Variants in SLC44A5 observed in about 807,000 individuals in gnomAD.
SLC44A5 encodes the protein solute carrier family 44 member 5, also known as choline transporter-like protein 5.
Under a neutral mutation model 101.8 loss-of-function variants are expected in SLC44A5, and 57 were observed. The observed-to-expected ratio is 0.56, with a 90% CI of 0.45 to 0.70. The LOEUF (loss-of-function observed/expected upper bound fraction) is 0.70, where lower values mean the gene tolerates loss of function less well. Ranked by LOEUF, SLC44A5 falls within the 30% of genes least tolerant of loss-of-function variation. The probability of loss-of-function intolerance (pLI) is 0.00; values close to 1 mark genes in which losing one functional copy is unlikely to be tolerated. For synonymous variants in SLC44A5, 281 were observed against 290.9 expected (o/e 0.97, Z 0.35); for missense variants, 737 against 853.1 (o/e 0.86, Z 1.70).
intron 18 of SLC44A5, 78 bp downstream of exon 18, chr1:75,217,788 A>C: frequency 1.1e-6 from 1 of 913,776 alleles, no homozygotes; most frequent in Non-Finnish European, 1.8e-6. Flanking sequence ...CCCTAGTCCA[A>C]GTTATAATCA....
rs1276711642 is a variant in SLC44A5, at chr1:75,557,602, GT to G, written c.-69-16087del. Reference sequence around the variant, plus strand: ...CTGGGTATAAACAGGAGGCAAGGTAGTTTTTAAAACAGAAAACAAAAATTAT... The same window carrying G: ...CTGGGTATAAACAGGAGGCAAGGTAGTTTTAAAACAGAAAACAAAAATTAT... On this transcript the variant is annotated intron_variant, in intron 1 of 23. Transcript: ENST00000370859. 2.0e-5 allele frequency among the ~76,000 whole-genome samples: 3 copies of G among 152,050 alleles called. No individual in the cohort carries two copies. In the East Asian group the frequency reaches 5.8e-4, roughly 29 times the overall value.
chr1:75,279,348 G>A (rs1013733747), intron 5 of SLC44A5, among the ~76,000 whole-genome samples: 3 of 151,988 alleles, frequency 2.0e-5, no homozygotes, highest in Non-Finnish European at 2.9e-5. Flanking sequence ...TGGGACATGG[G>A]AAAGTCAAGC....
At chr1:75,398,807 C>T (rs1662293270) in intron 2 of SLC44A5, among the ~76,000 whole-genome samples, 1 of 152,122 alleles carries the variant, frequency 6.6e-6, no homozygotes, top group African/African-American at 2.4e-5. Context: ...TTTAGGAGAA[C>T]ATTCGTATCT....
chr1:75,669,218 T>C, the SLC44A5 span, among the ~76,000 whole-genome samples: 1 of 148,126 alleles, frequency 6.8e-6, no homozygotes, highest in Non-Finnish European at 1.5e-5. Flanking sequence ...GCCAATCAAA[T>C]GATGCTTCCT....
At chr1:75,283,767 T>A (rs1320350185) in intron 5 of SLC44A5, among the ~76,000 whole-genome samples, 2 of 66,252 alleles carry the variant, frequency 3.0e-5, no homozygotes, top group East Asian at 0.024. Context: ...CTTTCCCTAC[T>A]TTTTTTTTTG....
intron 5 of SLC44A5, among the ~76,000 whole-genome samples, chr1:75,299,753 G>C (rs1654272600): frequency 6.6e-6 from 1 of 151,916 alleles, no homozygotes; most frequent in Non-Finnish European, 1.5e-5. Flanking sequence ...GCTCATGCCT[G>C]TAATCCCAGC....
chr1:75,677,535 T>C, the SLC44A5 span, among the ~76,000 whole-genome samples: 2 of 151,780 alleles, frequency 1.3e-5, no homozygotes, highest in Middle Eastern at 3.2e-3. Flanking sequence ...TAAAAACACC[T>C]TCACTAAAAG....
At chr1:75,578,727 A>G (rs760970739) in intron 1 of SLC44A5, among the ~76,000 whole-genome samples, 7 of 152,162 alleles carry the variant, frequency 4.6e-5, no homozygotes, top group Non-Finnish European at 8.8e-5. Flanking sequence ...ACAACATAGT[A>G]AAACATAGTT....
intron 2 of SLC44A5, among the ~76,000 whole-genome samples, chr1:75,473,795 T>G (rs764474580): frequency 3.3e-5 from 5 of 152,188 alleles, no homozygotes; most frequent in Non-Finnish European, 5.9e-5. Context: ...AAGAAAATAA[T>G]TTTTTCCTCT....
intron 4 of SLC44A5, among the ~76,000 whole-genome samples, chr1:75,311,179 C>T (rs1033157814): frequency 1.9e-4 from 29 of 151,640 alleles, no homozygotes; most frequent in African/African-American, 6.5e-4. Flanking sequence ...TGCATTGGCA[C>T]GATCTCGGCT....
rs199507635 is a variant in SLC44A5, at chr1:75,509,655, GAACT to G, written c.13+31776_13+31779del. On this transcript the variant is annotated intron_variant, in intron 2 of 23. Transcript: ENST00000370859. ...AAAGCACCATGGTTCATAAATTTAA[GAACT>G]AACACAAGGAAGTAAATGGAATTTT... is the stretch of plus-strand genomic sequence containing the variant. Among the ~76,000 whole-genome samples the G allele has an allele frequency of 4.9e-4, 75 of 152,220 alleles. No homozygotes were observed. The East Asian group carries it at 5.2e-3, about 11-fold the overall frequency.
At position 75,261,978 on chromosome 1, in the gene SLC44A5, T is replaced by C. The variant is rs571610352; in HGVS notation, c.261-10684A>G. On this transcript the variant is annotated intron_variant, in intron 6 of 23. Coordinates refer to ENST00000370859, the MANE Select transcript of SLC44A5 (RefSeq NM_001130058.2). ...CTAAAAATTCTCTTTAAACTAGGTA[T>C]TGATGGAACGTATCTCAAAATAAGA... Among the ~76,000 whole-genome samples the C allele has an allele frequency of 1.2e-4, 18 of 151,974 alleles. No individual in the cohort carries two copies. In the South Asian group the frequency reaches 3.3e-3, roughly 28 times the overall value.
chr1:75,691,962 G>A, the SLC44A5 span, among the ~76,000 whole-genome samples: 1 of 152,018 alleles, frequency 6.6e-6, no homozygotes, highest in Non-Finnish European at 1.5e-5. Flanking sequence ...GGAGTGGGGG[G>A]ACACATCAGT....
chr1:75,364,875 T>C (rs542384861), intron 3 of SLC44A5, among the ~76,000 whole-genome samples: 14 of 152,148 alleles, frequency 9.2e-5, no homozygotes, highest in Non-Finnish European at 1.9e-4. Context: ...CTACTGAAGT[T>C]TTCTACTAAA....
At chr1:75,678,421 G>T in the SLC44A5 span, among the ~76,000 whole-genome samples, 1 of 151,982 alleles carries the variant, frequency 6.6e-6, no homozygotes, top group Non-Finnish European at 1.5e-5. Context: ...ATCTGAGAAC[G>T]GGCAGATTGC....
At chr1:75,643,420 G>A in the SLC44A5 span, among the ~76,000 whole-genome samples, 1 of 152,054 alleles carries the variant, frequency 6.6e-6, no homozygotes, top group African/African-American at 2.4e-5. Flanking sequence ...ATAAAAACAA[G>A]CAAATATCGT....
intron 3 of SLC44A5, among the ~76,000 whole-genome samples, chr1:75,342,346 A>G (rs1174074514): frequency 6.6e-6 from 1 of 152,246 alleles, no homozygotes; most frequent in Non-Finnish European, 1.5e-5. Flanking sequence ...TGAGCACTGC[A>G]ATGCAATAGC....
intron 2 of SLC44A5, among the ~76,000 whole-genome samples, chr1:75,409,031 C>T (rs1433794855): frequency 6.6e-6 from 1 of 152,190 alleles, no homozygotes; most frequent in East Asian, 1.9e-4. Flanking sequence ...AGAATGAAAT[C>T]ACATCCTTTG....
the SLC44A5 span, among the ~76,000 whole-genome samples, chr1:75,663,685 T>C: frequency 1.3e-5 from 2 of 152,252 alleles, no homozygotes; most frequent in African/African-American, 2.4e-5. Context: ...CCAGACCAGA[T>C]GGACTCACAG....
Sources: gnomAD v4.1 joint callset for allele counts (sites outside exome capture counted in the v4.1 genomes callset) on GRCh38, gnomAD v4.1.1 for gene constraint, MANE v1.5 for transcripts, NCBI Gene and HGNC (gene_info 2026-07-23, HGNC 2026-07-21) for gene names.